NKD1: variants seen among roughly 807,000 people sequenced by gnomAD.
The protein encoded by NKD1 is protein naked cuticle homolog 1.
A neutral mutation model predicts 56.0 loss-of-function variants in NKD1; 21 were observed. The observed-to-expected ratio is 0.38, with a 90% CI of 0.27 to 0.54. The LOEUF is 0.54. NKD1 is among the 20% of genes least tolerant of loss of function. The probability of loss-of-function intolerance (pLI) is 0.82; values close to 1 mark genes in which losing one functional copy is unlikely to be tolerated. For missense variants in NKD1, 578 were observed against 642.7 expected, an observed-to-expected ratio of 0.90 and a Z score of 1.09; for synonymous variants, 263 against 265.7, an observed-to-expected ratio of 0.99 and a Z score of 0.10.
chr16:50,548,521 C>T lies in NKD1; in HGVS notation c.-33C>T. 1 of 1,457,166 alleles carries T rather than the reference C, an allele frequency of 6.9e-7. No individual in the cohort carries two copies. Among genetic ancestry groups the T allele is most frequent in the Non-Finnish European group, 9.0e-7 (1 of 1,109,212 alleles). 90.3% of individuals were successfully genotyped at this position (1,457,166 alleles called of 1,614,324 possible). ...CCAGGCCCGCGGGCCGGGCGCATGG[C>T]TTAGGGACGCTCCCGGCCGCCGCAG... On this transcript the variant is annotated 5_prime_UTR_variant, in exon 1 of 10. Coordinates refer to ENST00000268459, the MANE Select transcript of NKD1 (RefSeq NM_033119.5).
intron 3 of NKD1, chr16:50,558,719 C>CAAAAAAAAAAAAA (rs1186061460): frequency 2.4e-5 from 1 of 41,026 alleles, no homozygotes; most frequent in Non-Finnish European, 5.6e-5. Context: ...GCTAAAAATA[C>CAAAAAAAAAAAAA]AAAAAAAAAA....
Position 50,598,262 on chromosome 16 carries a change from T to TGTGTGTGTGTGTGTGTGTGTGC in NKD1, c.193-10031_193-10030insTGTGTGTGTGTGTGTGTGTGCG, listed in dbSNP as rs138964473. Among the ~76,000 whole-genome samples, 2 of 148,572 alleles carry TGTGTGTGTGTGTGTGTGTGTGC rather than the reference T, an allele frequency of 1.3e-5. No individual in the cohort carries two copies. Among genetic ancestry groups the TGTGTGTGTGTGTGTGTGTGTGC allele is most frequent in the African/African-American group, 5.1e-5 (2 of 39,058 alleles). ...GTGTGTGTGTGTGTGTGTGTGTGTG[T>TGTGTGTGTGTGTGTGTGTGTGC]GCGCGCACACCTGTGCTCATGGACA... On this transcript the variant is annotated intron_variant, in intron 3 of 9. Transcript: ENST00000268459. This position sits in a 1 kb window ranked among gnomAD's most constrained non-coding sequence, Gnocchi z 4.2.
At position 50,627,733 on chromosome 16, in the gene NKD1, C is replaced by T. The variant is rs565791368; in HGVS notation, c.462+2153C>T. Among the ~76,000 whole-genome samples, 75 of 152,284 alleles carry T rather than the reference C, an allele frequency of 4.9e-4. 1 individual carries two copies. The highest frequency in any genetic ancestry group is 1.8e-3 in the African/African-American group (74 of 41,556). ...TTCATGCAGGAAATACTGAGCACAC[C>T]GATTCCTACGTGTCTGCCCTGTGTA... On this transcript the variant is annotated intron_variant, in intron 6 of 9. Transcript: ENST00000268459.
intron 3 of NKD1, among the ~76,000 whole-genome samples, chr16:50,551,593 G>A (rs1194047985): frequency 6.6e-6 from 1 of 152,190 alleles, no homozygotes. Context: ...CCCAGCCAGT[G>A]TGTCTGCAGA....
At chr16:50,594,839 A>G (rs570029820) in intron 3 of NKD1, among the ~76,000 whole-genome samples, 1 of 152,266 alleles carries the variant, frequency 6.6e-6, no homozygotes, top group Non-Finnish European at 1.5e-5. Flanking sequence ...GCACGTGCAC[A>G]CGGTGCCCTG....
intron 4 of NKD1, among the ~76,000 whole-genome samples, chr16:50,615,484 A>G (rs948384247): frequency 2.2e-4 from 34 of 152,188 alleles, no homozygotes; most frequent in African/African-American, 8.0e-4. Context: ...GCTCAGAGGA[A>G]GGGAGGCTTA....
chr16:50,598,229 C>CTGTGTGTG lies in NKD1; in HGVS notation c.193-10038_193-10031dup, dbSNP rs5816707. 4.8e-3 allele frequency among the ~76,000 whole-genome samples: 688 copies of CTGTGTGTG among 143,946 alleles called. 2 individuals are homozygous for CTGTGTGTG. Among genetic ancestry groups the CTGTGTGTG allele is most frequent in the Non-Finnish European group, 6.2e-3 (410 of 65,950 alleles). The allele number at this position is 143,946 out of a possible 152,430, so 94.4% of individuals were successfully genotyped here. ...CACTGCAGGGCCGCATGGGTGGACT[C>CTGTGTGTG]TGTGTGTGTGTGTGTGTGTGTGTGT... On this transcript the variant is annotated intron_variant, in intron 3 of 9. Coordinates refer to ENST00000268459, the MANE Select transcript of NKD1 (RefSeq NM_033119.5). The surrounding 1 kb of genome is among the most constrained non-coding windows in gnomAD (Gnocchi z 4.2).
intron 3 of NKD1, among the ~76,000 whole-genome samples, chr16:50,595,848 T>C (rs1961460829): frequency 6.6e-6 from 1 of 152,140 alleles, no homozygotes; most frequent in Admixed American, 6.5e-5. Flanking sequence ...GGGCCCCTGA[T>C]GTGGGCTGTT....
intron 3 of NKD1, among the ~76,000 whole-genome samples, chr16:50,602,590 C>G (rs929758114): frequency 2.0e-5 from 3 of 152,150 alleles, no homozygotes; most frequent in African/African-American, 7.2e-5. Context: ...GTTTATGACC[C>G]CCCCCACACC....
rs370871121 is a variant in NKD1, at chr16:50,551,839, A to G, written c.192+2284A>G. ...GTCTAACGTGAAGTCCATTCAGAGA[A>G]AAATATTAAGTACAAGTGGTCAAAA... is the stretch of plus-strand genomic sequence containing the variant. On this transcript the variant is annotated intron_variant, in intron 3 of 9. Coordinates refer to ENST00000268459, the MANE Select transcript of NKD1 (RefSeq NM_033119.5). The G allele has an allele frequency of 3.0e-4, 46 of 152,330 alleles. 2 individuals carry two copies. Among genetic ancestry groups the G allele is most frequent in the African/African-American group, 1.1e-3 (44 of 41,562 alleles). The allele number at this position is 152,330 out of a possible 1,614,324, so 9.4% of individuals were successfully genotyped here.
At chr16:50,601,825 A>T (rs1961603080) in intron 3 of NKD1, among the ~76,000 whole-genome samples, 1 of 152,042 alleles carries the variant, frequency 6.6e-6, no homozygotes, top group African/African-American at 2.4e-5. Context: ...CTTTGGAAAG[A>T]GATGCCATTT....
intron 3 of NKD1, among the ~76,000 whole-genome samples, chr16:50,588,870 C>G (rs966417935): frequency 6.6e-6 from 1 of 152,098 alleles, no homozygotes; most frequent in Admixed American, 6.6e-5. Flanking sequence ...TCCCAAAGTG[C>G]TGGGATTACA....
intron 3 of NKD1, among the ~76,000 whole-genome samples, chr16:50,577,735 C>A (rs1961022168): frequency 6.6e-6 from 1 of 152,164 alleles, no homozygotes; most frequent in Non-Finnish European, 1.5e-5. Context: ...ATTTTAGATT[C>A]CACATATAAA....
At chr16:50,624,878 C>G (rs1962174348) in intron 5 of NKD1, among the ~76,000 whole-genome samples, 1 of 152,200 alleles carries the variant, frequency 6.6e-6, no homozygotes, top group Non-Finnish European at 1.5e-5. Flanking sequence ...ACTGTCCCCA[C>G]CACAGCTGCA....
intron 3 of NKD1, among the ~76,000 whole-genome samples, chr16:50,554,801 T>C (rs1348017464): frequency 2.0e-5 from 3 of 152,104 alleles, no homozygotes; most frequent in African/African-American, 7.2e-5. Context: ...TTTTATTTTT[T>C]ATAGAGATCG....
chr16:50,579,448 G>A (rs1283699108), intron 3 of NKD1, among the ~76,000 whole-genome samples: 4 of 137,406 alleles, frequency 2.9e-5, no homozygotes, highest in Non-Finnish European at 4.7e-5. Flanking sequence ...ACTCTAACCC[G>A]CCACGCATGC....
chr16:50,617,111 A>T (rs1031187936), intron 4 of NKD1, among the ~76,000 whole-genome samples: 3 of 152,306 alleles, frequency 2.0e-5, no homozygotes, highest in Non-Finnish European at 4.4e-5. Flanking sequence ...TCCCTGGGTC[A>T]CTGCCATTTG....
intron 3 of NKD1, among the ~76,000 whole-genome samples, chr16:50,559,633 T>G (rs1244285122): frequency 1.3e-5 from 2 of 152,038 alleles, no homozygotes; most frequent in Non-Finnish European, 2.9e-5. Flanking sequence ...CATCCCGTCA[T>G]GAGGCCTTGT....
At chr16:50,612,810 G>A (rs551570478) in intron 4 of NKD1, among the ~76,000 whole-genome samples, 2 of 152,212 alleles carry the variant, frequency 1.3e-5, no homozygotes, top group African/African-American at 2.4e-5. Flanking sequence ...GTGGGACCAC[G>A]CCCTTAGGTT....
Sources: gnomAD v4.1 joint callset for allele counts (sites outside exome capture counted in the v4.1 genomes callset) on GRCh38, gnomAD v4.1.1 for gene constraint, Gnocchi (gnomAD v3.1) non-coding constraint, MANE v1.5 for transcripts, NCBI Gene and HGNC (gene_info 2026-07-23, HGNC 2026-07-21) for gene names.